Variants in ADAM17 observed in about 807,000 individuals in gnomAD.
ADAM17 encodes the protein disintegrin and metalloproteinase domain-containing protein 17.
A neutral mutation model predicts 96.7 loss-of-function variants in ADAM17; 39 were observed. That is an observed-to-expected ratio of 0.40 (90% CI 0.31 to 0.53). ADAM17 has a LOEUF of 0.53. ADAM17 is among the 20% of genes least tolerant of loss of function. The probability of loss-of-function intolerance (pLI) is 0.44; values close to 1 mark genes in which losing one functional copy is unlikely to be tolerated. For synonymous variants in ADAM17, 344 were observed against 359.2 expected, an observed-to-expected ratio of 0.96 and a Z score of 0.48; for missense variants, 777 against 1,013.2, an observed-to-expected ratio of 0.77 and a Z score of 3.17.
chr2:9,519,041 TA>T (rs1203255974), intron 8 of ADAM17, among the ~76,000 whole-genome samples: 1 of 151,952 alleles, frequency 6.6e-6, no homozygotes, highest in Non-Finnish European at 1.5e-5. Flanking sequence ...AAGAAGCTGG[TA>T]CCAAAGGCGT....
At chr2:9,517,305 G>A (rs1664102998) in intron 10 of ADAM17, among the ~76,000 whole-genome samples, 1 of 152,096 alleles carries the variant, frequency 6.6e-6, no homozygotes, top group African/African-American at 2.4e-5. Flanking sequence ...GAAAAAAACA[G>A]GTGACAAACA....
chr2:9,555,663 C>T lies in ADAM17; in HGVS notation c.-58G>A. 1.4e-6 allele frequency: 2 copies of T among 1,407,382 alleles called. No individual in the cohort carries two copies. Among genetic ancestry groups the T allele is most frequent in the Non-Finnish European group, 1.9e-6 (2 of 1,040,848 alleles). 87.2% of individuals were successfully genotyped at this position (1,407,382 alleles called of 1,614,324 possible). A position where few individuals can be genotyped will look rare whatever the true frequency, so the allele number is the denominator to read the frequency against. ...GGGCAGCCTTCGCCTGACGGGGTTT[C>T]GGAAAACTGCTCACATCGGGGGAGG... is the stretch of plus-strand genomic sequence containing the variant. On this transcript the variant is annotated 5_prime_UTR_variant, in exon 1 of 19. Transcript: ENST00000310823.
At chr2:9,520,404 C>T (rs1042815746) in intron 8 of ADAM17, among the ~76,000 whole-genome samples, 6 of 152,200 alleles carry the variant, frequency 3.9e-5, no homozygotes, top group Non-Finnish European at 7.3e-5. Flanking sequence ...TTAGATTAAT[C>T]GCCAGAATAA....
At chr2:9,500,372 A>AG (rs1662926145) in intron 13 of ADAM17, among the ~76,000 whole-genome samples, 1 of 152,250 alleles carries the variant, frequency 6.6e-6, no homozygotes, top group African/African-American at 2.4e-5. Context: ...CATAAAGAAT[A>AG]GGGTGGTTAG....
intron 13 of ADAM17, 39 bp downstream of exon 13, chr2:9,502,134 T>C: frequency 6.5e-7 from 1 of 1,538,538 alleles, no homozygotes; most frequent in Non-Finnish European, 9.0e-7. Context: ...CACACACACT[T>C]GACCCACAGC....
At chr2:9,531,103 G>T (rs374483493) in intron 4 of ADAM17, among the ~76,000 whole-genome samples, 1 of 152,016 alleles carries the variant, frequency 6.6e-6, no homozygotes, top group African/African-American at 2.4e-5. Context: ...GATTACGGGC[G>T]CAAGCCACCA....
chr2:9,492,596 G>C (rs1662249358), intron 17 of ADAM17, among the ~76,000 whole-genome samples: 1 of 152,002 alleles, frequency 6.6e-6, no homozygotes, highest in African/African-American at 2.4e-5. Context: ...CTTCAATAAG[G>C]GCTTTACTCA....
rs1388435699 is a variant in ADAM17, at chr2:9,539,225, A to AG, written c.231-2398dup. 2.6e-5 allele frequency among the ~76,000 whole-genome samples: 4 copies of AG among 151,596 alleles called. No homozygotes were observed. The East Asian group carries it at 7.8e-4, about 29-fold the overall frequency. On this transcript the variant is annotated intron_variant, in intron 2 of 18. Coordinates refer to ENST00000310823, the MANE Select transcript of ADAM17 (RefSeq NM_003183.6). ...TGGGTTCACGCCATTCCCCTGCCTC[A>AG]GCCTCCCAAATAGCTGGGACTACAG... is the stretch of plus-strand genomic sequence containing the variant.
intron 11 of ADAM17, among the ~76,000 whole-genome samples, chr2:9,507,166 T>G (rs1256748628): frequency 6.6e-6 from 1 of 152,132 alleles, no homozygotes; most frequent in Non-Finnish European, 1.5e-5. Flanking sequence ...GCCCTTTTCA[T>G]CAGTTAAAAA....
At chr2:9,500,039 G>A (rs1164415143) in intron 13 of ADAM17, among the ~76,000 whole-genome samples, 1 of 152,178 alleles carries the variant, frequency 6.6e-6, no homozygotes, top group Non-Finnish European at 1.5e-5. Context: ...ACATGACCCA[G>A]AAATTCTATT....
chr2:9,534,040 G>GT (rs1266593628), intron 4 of ADAM17, among the ~76,000 whole-genome samples: 2 of 152,182 alleles, frequency 1.3e-5, no homozygotes, highest in Non-Finnish European at 2.9e-5. Context: ...GCCCAAGGCT[G>GT]TTCACTACAA....
At chr2:9,548,323 C>T (rs1009838962) in intron 1 of ADAM17, among the ~76,000 whole-genome samples, 5 of 152,020 alleles carry the variant, frequency 3.3e-5, no homozygotes, top group African/African-American at 1.2e-4. Flanking sequence ...CAGAGTGAGA[C>T]TCCATCCCCC....
chr2:9,528,506 C>T (rs1228862098), intron 4 of ADAM17, among the ~76,000 whole-genome samples: 1 of 152,138 alleles, frequency 6.6e-6, no homozygotes, highest in Non-Finnish European at 1.5e-5. Context: ...CTTGTTTCAG[C>T]GAACGCAGTT....
intron 10 of ADAM17, among the ~76,000 whole-genome samples, chr2:9,516,929 G>A (rs149232337): frequency 5.9e-5 from 9 of 152,168 alleles, no homozygotes; most frequent in African/African-American, 1.9e-4. Context: ...GGGCAGCCAC[G>A]GGACCCAGTG....
chr2:9,525,665 G>A (rs1320810225), intron 6 of ADAM17, among the ~76,000 whole-genome samples: 1 of 152,166 alleles, frequency 6.6e-6, no homozygotes, highest in Non-Finnish European at 1.5e-5. Flanking sequence ...CCTATTTCAA[G>A]TGAAGTCCAA....
intron 3 of ADAM17, 74 bp downstream of exon 3, chr2:9,536,624 G>T: frequency 1.3e-6 from 2 of 1,583,544 alleles, no homozygotes; most frequent in Non-Finnish European, 1.7e-6. Flanking sequence ...CACCAGAAAA[G>T]AATATGCAAT....
chr2:9,511,166 C>T (rs910780610), intron 10 of ADAM17, among the ~76,000 whole-genome samples: 5 of 152,064 alleles, frequency 3.3e-5, no homozygotes, highest in East Asian at 1.9e-4. Flanking sequence ...AAAAACAGTA[C>T]GGATAGGCGC....
chr2:9,538,449 C>T (rs186909011), intron 2 of ADAM17, among the ~76,000 whole-genome samples: 3 of 152,270 alleles, frequency 2.0e-5, no homozygotes. Context: ...AACATTATTT[C>T]GTAAATCCTT....
In ADAM17 at chr2:9,539,926, G is replaced by A. The variant is rs116829043; in HGVS notation, c.231-3098C>T. On this transcript the variant is annotated intron_variant, in intron 2 of 18. Transcript: ENST00000310823. ...GGAAATAACCTATTTTAAAACACCT[G>A]GTATAAAATTCCATAGACTGTTAGA... Among the ~76,000 whole-genome samples, 812 of 152,130 alleles carry A rather than the reference G, an allele frequency of 5.3e-3. 9 individuals carry two copies. The highest frequency in any genetic ancestry group is 0.019 in the African/African-American group (770 of 41,492).
Sources: gnomAD v4.1 joint callset for allele counts (sites outside exome capture counted in the v4.1 genomes callset) on GRCh38, gnomAD v4.1.1 for gene constraint, MANE v1.5 for transcripts, NCBI Gene and HGNC (gene_info 2026-07-23, HGNC 2026-07-21) for gene names.